Variants in SPATA6L observed in about 807,000 individuals in gnomAD.
SPATA6L encodes spermatogenesis associated 6-like protein.
SPATA6L carries 68 observed loss-of-function variants against 49.2 expected under a neutral mutation model. The ratio of observed to expected loss-of-function variants is 1.38; its 90% CI spans 1.14 to 1.69. SPATA6L has a LOEUF of 1.69. Ranked by LOEUF, SPATA6L falls within the 40% of genes most tolerant of loss-of-function variation. The probability of loss-of-function intolerance (pLI) is 0.00; values close to 1 mark genes in which losing one functional copy is unlikely to be tolerated. For missense variants in SPATA6L, 668 were observed against 464.3 expected (o/e 1.44, Z -4.03); for synonymous variants, 198 against 165.7 (o/e 1.19, Z -1.50).
At chr9:4,624,187 G>C (rs1564193823) in intron 6 of SPATA6L, among the ~76,000 whole-genome samples, 2 of 152,100 alleles carry the variant, frequency 1.3e-5, no homozygotes, top group Non-Finnish European at 2.9e-5. Context: ...ACACGAACTG[G>C]TGTTCACGTA....
At chr9:4,589,817 A>G (rs1431925441) in intron 13 of SPATA6L, among the ~76,000 whole-genome samples, 1 of 152,186 alleles carries the variant, frequency 6.6e-6, no homozygotes, top group Non-Finnish European at 1.5e-5. Flanking sequence ...GCTTTTTAAT[A>G]TACCCTGTGG....
intron 9 of SPATA6L, among the ~76,000 whole-genome samples, chr9:4,608,149 TC>T (rs1825772185): frequency 2.1e-5 from 2 of 95,372 alleles, no homozygotes; most frequent in Non-Finnish European, 4.0e-5. Flanking sequence ...ATAAAGCAAG[TC>T]CTGAGTGACC....
intron 3 of SPATA6L, among the ~76,000 whole-genome samples, chr9:4,649,908 C>T (rs554784950): frequency 6.6e-6 from 1 of 152,116 alleles, no homozygotes; most frequent in African/African-American, 2.4e-5. Context: ...TTTAAAGAGG[C>T]TTGAGAGAAT....
At chr9:4,602,953 A>C (rs542081744) in intron 11 of SPATA6L, among the ~76,000 whole-genome samples, 26 of 152,182 alleles carry the variant, frequency 1.7e-4, no homozygotes, top group Non-Finnish European at 3.1e-4. Context: ...TACTAGTCTC[A>C]GCACTCAGGC....
At chr9:4,606,686 G>T (rs1255759517) in intron 9 of SPATA6L, among the ~76,000 whole-genome samples, 3 of 127,522 alleles carry the variant, frequency 2.4e-5, no homozygotes, top group Admixed American at 8.5e-5. Flanking sequence ...AAACCACAAA[G>T]ATGGGGAAAA....
chr9:4,604,188 ATC>A lies in SPATA6L; in HGVS notation c.1169_1170del (p.Arg390IlefsTer7). The A allele has an allele frequency of 6.2e-7, 1 of 1,608,204 alleles. No homozygotes were observed. The highest frequency in any genetic ancestry group is 8.5e-7 in the Non-Finnish European group (1 of 1,176,166). On this transcript the variant is annotated frameshift_variant, in exon 11 of 12. Coordinates refer to ENST00000682582, the MANE Select transcript of SPATA6L (RefSeq NM_001353486.2). LOFTEE classifies it high-confidence loss of function. ...PLKKYSLHEQ[R>X]YF ...TTACATAAGACAGTACCTTAAAAAT[ATC>A]TCTGTTCATGCAGTGAGTATTTCTT...
intron 3 of SPATA6L, among the ~76,000 whole-genome samples, chr9:4,649,387 T>A (rs2130709687): frequency 6.6e-6 from 1 of 152,314 alleles, no homozygotes; most frequent in Non-Finnish European, 1.5e-5. Context: ...TATGCCAACA[T>A]CTACTATTTT....
intron 13 of SPATA6L, among the ~76,000 whole-genome samples, chr9:4,590,129 G>A (rs963523460): frequency 6.6e-6 from 1 of 152,018 alleles, no homozygotes; most frequent in Non-Finnish European, 1.5e-5. Flanking sequence ...TCACCATGTC[G>A]GCCAGGCTGG....
Position 4,625,331 on chromosome 9 carries a change from C to T in SPATA6L, c.665G>A (p.Arg222Lys), listed in dbSNP as rs2130450372. Residue 222 changes from arginine (R) to lysine (K), a missense_variant, in exon 6 of 12, where the codon AGA becomes AAA. Arg to Lys is a conservative substitution (Grantham distance 26, BLOSUM62 2). Transcript: ENST00000682582. The part of the protein sequence containing the change: ...SGGSKPPFVV[R>K]HVDSAKPFGE... ...AAAAAATAATTTTAGGCTCACGTGTCTAACAACAAATGGAGGCTTGCTTCC... is the reference window on the plus strand; with the variant it reads ...AAAAAATAATTTTAGGCTCACGTGTTTAACAACAAATGGAGGCTTGCTTCC... The T allele has an allele frequency of 6.2e-7, 1 of 1,612,562 alleles. No homozygotes were observed. Among genetic ancestry groups the T allele is most frequent in the East Asian group, 2.2e-5 (1 of 44,874 alleles).
chr9:4,621,479 A>T (rs1037528962), intron 7 of SPATA6L, among the ~76,000 whole-genome samples: 2 of 151,278 alleles, frequency 1.3e-5, no homozygotes, highest in African/African-American at 4.9e-5. Flanking sequence ...GGCTAATGGA[A>T]TGTGTGCTAT....
At chr9:4,610,833 A>C (rs1826534400) in intron 9 of SPATA6L, among the ~76,000 whole-genome samples, 1 of 152,100 alleles carries the variant, frequency 6.6e-6, no homozygotes. Context: ...TGCACAGCAA[A>C]AGAAACTACC....
At chr9:4,615,831 T>G (rs1016873932) in intron 9 of SPATA6L, among the ~76,000 whole-genome samples, 2 of 152,206 alleles carry the variant, frequency 1.3e-5, no homozygotes, top group Non-Finnish European at 2.9e-5. Context: ...CTTGCTGTAC[T>G]GCTTTTAAGG....
At chr9:4,596,999 C>T (rs1397582200), downstream of SPATA6L, among the ~76,000 whole-genome samples, 1 of 152,242 alleles carries the variant, frequency 6.6e-6, no homozygotes, top group African/African-American at 2.4e-5. Context: ...TTGTGCCAGG[C>T]ACTGATTTAA....
intron 2 of SPATA6L, among the ~76,000 whole-genome samples, chr9:4,657,888 G>T (rs1349379362): frequency 2.0e-5 from 3 of 151,928 alleles, no homozygotes; most frequent in Non-Finnish European, 4.4e-5. Context: ...GTTTACATTG[G>T]GCTTCAGTTT....
chr9:4,658,611 T>C (rs1015310060), intron 2 of SPATA6L, among the ~76,000 whole-genome samples: 4 of 152,330 alleles, frequency 2.6e-5, no homozygotes, highest in South Asian at 2.1e-4. Flanking sequence ...GGCTCACTCT[T>C]CTCTTTGACA....
chr9:4,610,936 C>G (rs1385587336), intron 9 of SPATA6L, among the ~76,000 whole-genome samples: 3 of 143,208 alleles, frequency 2.1e-5, no homozygotes, highest in Non-Finnish European at 4.6e-5. Flanking sequence ...ACAATGAACT[C>G]AAACAAATTT....
At chr9:4,615,444 A>G (rs369314896) in intron 9 of SPATA6L, among the ~76,000 whole-genome samples, 14 of 152,296 alleles carry the variant, frequency 9.2e-5, no homozygotes, top group African/African-American at 3.1e-4. Context: ...ATCCCAGTTG[A>G]TTTTGACTCA....
At chr9:4,618,719 G>T in intron 8 of SPATA6L, 145 bp downstream of exon 8, 1 of 758,176 alleles carries the variant, frequency 1.3e-6, no homozygotes, top group Non-Finnish European at 2.2e-6. Context: ...TGGAGTCTGG[G>T]CACATCTTCA....
intron 11 of SPATA6L, among the ~76,000 whole-genome samples, chr9:4,602,288 A>G (rs1823519582): frequency 6.6e-6 from 1 of 152,174 alleles, no homozygotes; most frequent in African/African-American, 2.4e-5. Context: ...TATGTTCCGT[A>G]TAACCACCTA....
Sources: allele counts gnomAD v4.1 joint callset (sites outside exome capture counted in the v4.1 genomes callset), GRCh38; gene constraint gnomAD v4.1.1; transcripts MANE v1.5; gene names NCBI Gene and HGNC (gene_info 2026-07-23, HGNC 2026-07-21).